The following KYNU variants were observed in gnomAD, a reference collection of about 807,000 sequenced individuals.
The protein encoded by KYNU is L-kynurenine hydrolase.
In KYNU, 54 loss-of-function variants were observed where a neutral mutation model predicts 59.2. That is an observed-to-expected ratio of 0.91 (90% confidence interval 0.73 to 1.14). The LOEUF is 1.14. Ranked by LOEUF, KYNU falls within the 50% of genes most tolerant of loss-of-function variation. KYNU has a pLI of 0.00. For missense variants in KYNU, 567 were observed against 554.4 expected (o/e 1.02, Z -0.23); for synonymous variants, 177 against 192.0 (o/e 0.92, Z 0.65).
intron 2 of KYNU, among the ~76,000 whole-genome samples, chr2:142,892,669 A>G (rs1681752322): frequency 6.6e-6 from 1 of 152,236 alleles, no homozygotes; most frequent in Non-Finnish European, 1.5e-5. Context: ...TACTCATTAA[A>G]TAAACCTGAT....
At chr2:142,990,499 CCTCT>C (rs1417968163) in intron 10 of KYNU, among the ~76,000 whole-genome samples, 1 of 151,762 alleles carries the variant, frequency 6.6e-6, no homozygotes, top group Non-Finnish European at 1.5e-5. Context: ...ATACCACCTC[CCTCT>C]TTTTTTGTTA....
intron 10 of KYNU, chr2:142,989,450 T>C: frequency 1.0e-6 from 1 of 984,986 alleles, no homozygotes; most frequent in Non-Finnish European, 1.2e-6. Flanking sequence ...GCTATTGATG[T>C]CACACTTTGT....
At chr2:143,013,298 C>CTGTGTGTGTGTGTGTGTGAGTGTG (rs1686165054) in intron 10 of KYNU, among the ~76,000 whole-genome samples, 1 of 149,468 alleles carries the variant, frequency 6.7e-6, no homozygotes, top group African/African-American at 2.5e-5. Flanking sequence ...GTCTCTTTCT[C>CTGTGTGTGTGTGTGTGTGAGTGTG]TGTGTGTGTG....
chr2:142,970,907 G>A (rs1218809913), intron 8 of KYNU, among the ~76,000 whole-genome samples: 1 of 151,636 alleles, frequency 6.6e-6, no homozygotes, highest in East Asian at 1.9e-4. Context: ...TTCCTTTTTA[G>A]CTTTCCCTCC....
chr2:142,980,342 AGTTTTATC>A (rs754299773), intron 8 of KYNU, among the ~76,000 whole-genome samples: 16 of 151,260 alleles, frequency 1.1e-4, no homozygotes, highest in Non-Finnish European at 1.0e-4. Context: ...TTACTCAACC[AGTTTTATC>A]AGCAAGGTCT....
intron 1 of KYNU, 65 bp from the exon 2 acceptor site, chr2:142,885,284 C>T: frequency 7.4e-7 from 1 of 1,352,824 alleles, no homozygotes; most frequent in Non-Finnish European, 1.0e-6. Context: ...GGTGTATTAC[C>T]TAAAGGGCTC....
chr2:142,908,276 T>G (rs1476739512), intron 2 of KYNU, among the ~76,000 whole-genome samples: 1 of 152,156 alleles, frequency 6.6e-6, no homozygotes, highest in African/African-American at 2.4e-5. Context: ...TCATATGTAT[T>G]TTATTATTGA....
chr2:142,918,524 TATTA>T, intron 2 of KYNU, 81 bp from the exon 3 acceptor site: 1 of 1,343,880 alleles, frequency 7.4e-7, no homozygotes. Flanking sequence ...GAGTTGATTG[TATTA>T]ATTATTTGTA....
Position 143,042,648 on chromosome 2 carries a change from G to C in KYNU, c.*476G>C, listed in dbSNP as rs868773573. 1.1e-5 allele frequency: 1 copy of C among 91,724 alleles called. No individual in the cohort carries two copies. Among genetic ancestry groups the C allele is most frequent in the East Asian group, 3.2e-4 (1 of 3,084 alleles). 5.7% of individuals were successfully genotyped at this position (91,724 alleles called of 1,614,324 possible). A position where few individuals can be genotyped will look rare whatever the true frequency, so the allele number is the denominator to read the frequency against. ...TATATATATGTGTGTGTGTGTGTGT[G>C]TATATATATATATATATATCATATA... On this transcript the variant is annotated 3_prime_UTR_variant, in exon 14 of 14. Transcript: ENST00000264170.
chr2:143,032,293 A>C (rs75052178), intron 11 of KYNU, among the ~76,000 whole-genome samples: 2,084 of 84,032 alleles, frequency 0.025, 49 homozygotes, highest in African/African-American at 0.063. Context: ...CAAAAACAAA[A>C]AAAAAAAACA....
At chr2:142,879,146 G>A (rs1681203091) in intron 1 of KYNU, among the ~76,000 whole-genome samples, 1 of 152,142 alleles carries the variant, frequency 6.6e-6, no homozygotes, top group Admixed American at 6.5e-5. Flanking sequence ...AACACTAATT[G>A]TCTTAGCTGC....
chr2:142,904,637 A>G (rs1415129560), intron 2 of KYNU, among the ~76,000 whole-genome samples: 1 of 152,240 alleles, frequency 6.6e-6, no homozygotes, highest in Non-Finnish European at 1.5e-5. Flanking sequence ...CAAGTCTGAC[A>G]GGGAAAAAGG....
chr2:142,916,531 G>A (rs1007548488), intron 2 of KYNU, among the ~76,000 whole-genome samples: 1 of 152,192 alleles, frequency 6.6e-6, no homozygotes, highest in Admixed American at 6.5e-5. Flanking sequence ...ACTGGTTACA[G>A]ATCCTGCCTG....
intron 2 of KYNU, among the ~76,000 whole-genome samples, chr2:142,909,389 G>C (rs919377346): frequency 6.6e-6 from 1 of 151,978 alleles, no homozygotes; most frequent in Non-Finnish European, 1.5e-5. Context: ...TGGGATATAT[G>C]TGCAAGTTTG....
chr2:142,953,743 A>G (rs929518909), intron 4 of KYNU, among the ~76,000 whole-genome samples: 4 of 152,182 alleles, frequency 2.6e-5, no homozygotes, highest in African/African-American at 9.7e-5. Flanking sequence ...TGTCAAATGG[A>G]GAAATCTATG....
intron 3 of KYNU, among the ~76,000 whole-genome samples, chr2:142,927,250 A>G (rs1452739504): frequency 6.6e-6 from 1 of 152,210 alleles, no homozygotes; most frequent in East Asian, 1.9e-4. Flanking sequence ...TTATAGCTAT[A>G]TTTCAATTTA....
At chr2:142,977,504 G>A (rs1684927476) in intron 8 of KYNU, among the ~76,000 whole-genome samples, 1 of 151,820 alleles carries the variant, frequency 6.6e-6, no homozygotes, top group African/African-American at 2.4e-5. Context: ...GGTTCTGGTT[G>A]CCGTGTGACA....
chr2:143,013,122 C>T (rs944196414), intron 10 of KYNU, among the ~76,000 whole-genome samples: 1 of 152,070 alleles, frequency 6.6e-6, no homozygotes, highest in African/African-American at 2.4e-5. Flanking sequence ...CAGCCTCCCA[C>T]GTAGCTGGGA....
At position 143,044,651 on chromosome 2, in the gene KYNU, G is replaced by C. The variant is rs768567934; in HGVS notation, c.*2479G>C. 6.6e-6 allele frequency: 1 copy of C among 151,840 alleles called. No homozygotes were observed. The highest frequency in any genetic ancestry group is 2.4e-5 in the African/African-American group (1 of 41,348). 9.4% of individuals were successfully genotyped at this position (151,840 alleles called of 1,614,324 possible). On this transcript the variant is annotated 3_prime_UTR_variant, in exon 14 of 14. Coordinates refer to ENST00000264170, the MANE Select transcript of KYNU (RefSeq NM_003937.3). ...GTCTTCTTTTGAGAAGTGTCTGTTC[G>C]TATCCTTCACCCACTTTTTGATGGG... is the stretch of plus-strand genomic sequence containing the variant.
Sources: allele counts gnomAD v4.1 joint callset (sites outside exome capture counted in the v4.1 genomes callset), GRCh38; gene constraint gnomAD v4.1.1; transcripts MANE v1.5; gene names NCBI Gene and HGNC (gene_info 2026-07-23, HGNC 2026-07-21).